The following AP4E1 variants were observed in gnomAD, a reference collection of about 807,000 sequenced individuals.
AP4E1 encodes the protein AP-4 complex subunit epsilon-1.
In AP4E1, 56 loss-of-function variants were observed where a neutral mutation model predicts 128.2. The observed-to-expected ratio is 0.44, with a 90% confidence interval of 0.35 to 0.55. The LOEUF is 0.55. AP4E1 is among the 20% of genes least tolerant of loss of function. The pLI is 0.00. For missense variants in AP4E1, 1,324 were observed against 1,307.7 expected (o/e 1.01, Z -0.19); for synonymous variants, 484 against 473.1 (o/e 1.02, Z -0.30).
chr15:50,965,941 G>A (rs900059156), intron 14 of AP4E1, among the ~76,000 whole-genome samples: 2 of 150,846 alleles, frequency 1.3e-5, no homozygotes, highest in Admixed American at 6.6e-5. Flanking sequence ...TTTTTGAGAC[G>A]GAGTCTCGCT....
At position 50,940,659 on chromosome 15, in the gene AP4E1, T is replaced by C. The variant is rs1269465171; in HGVS notation, c.944-783T>C. On this transcript the variant is annotated intron_variant, in intron 8 of 20. Transcript: ENST00000261842. ...ATGATTCCATAGAACACATAAGACT[T>C]AATGTCCTTTCAGTGATTTTTCTTT... Among the ~76,000 whole-genome samples, 3 of 152,182 alleles carry C rather than the reference T, an allele frequency of 2.0e-5. No homozygotes were observed. The East Asian group carries it at 5.8e-4, about 29-fold the overall frequency.
Position 50,996,518 on chromosome 15 carries a change from G to C in AP4E1, c.2347-808G>C, listed in dbSNP as rs566906675. On this transcript the variant is annotated intron_variant, in intron 17 of 20. Transcript: ENST00000261842. ...GTGTTGGGGCTTGAGGAGAGTGACA[G>C]AGAAGATAAGAAAAGGGAACTAGAA... 2.3e-4 allele frequency among the ~76,000 whole-genome samples: 35 copies of C among 152,250 alleles called. 1 individual carries two copies. The highest frequency in any genetic ancestry group is 8.2e-4 in the African/African-American group (34 of 41,556).
At chr15:50,966,227 T>G (rs1368322428) in intron 14 of AP4E1, among the ~76,000 whole-genome samples, 2 of 152,142 alleles carry the variant, frequency 1.3e-5, no homozygotes, top group Non-Finnish European at 2.9e-5. Flanking sequence ...TCTAGAAAAC[T>G]TTCAAAGGTA....
At chr15:50,989,373 G>T (rs1175185002) in intron 16 of AP4E1, among the ~76,000 whole-genome samples, 1 of 151,940 alleles carries the variant, frequency 6.6e-6, no homozygotes, top group Non-Finnish European at 1.5e-5. Flanking sequence ...ACATTTGTCT[G>T]TTGTTCAATG....
chr15:50,911,234 T>C (rs988012004), intron 1 of AP4E1, among the ~76,000 whole-genome samples: 1 of 152,022 alleles, frequency 6.6e-6, no homozygotes, highest in African/African-American at 2.4e-5. Flanking sequence ...TAACATACAA[T>C]GCAGACAGTA....
At chr15:50,953,666 G>A (rs556064007) in intron 13 of AP4E1, among the ~76,000 whole-genome samples, 2 of 152,302 alleles carry the variant, frequency 1.3e-5, no homozygotes, top group Admixed American at 1.3e-4. Flanking sequence ...TGGCCCCACA[G>A]CACAAGAGTT....
chr15:50,932,659 G>A (rs1206282287), intron 7 of AP4E1, among the ~76,000 whole-genome samples: 4 of 152,112 alleles, frequency 2.6e-5, no homozygotes, highest in African/African-American at 9.7e-5. Context: ...CTTTACAAAG[G>A]GACCATTCTC....
chr15:50,974,308 C>T (rs1269731751), intron 15 of AP4E1, among the ~76,000 whole-genome samples: 1 of 149,088 alleles, frequency 6.7e-6, no homozygotes, highest in Non-Finnish European at 1.5e-5. Flanking sequence ...ATTCTGTCAC[C>T]TAGGCTGGAG....
intron 13 of AP4E1, among the ~76,000 whole-genome samples, chr15:50,958,052 G>A (rs916716175): frequency 2.6e-5 from 4 of 152,010 alleles, no homozygotes; most frequent in South Asian, 2.1e-4. Flanking sequence ...TATTCTCGGG[G>A]ACCACAGACA....
At chr15:50,976,287 T>C (rs1192887420) in intron 15 of AP4E1, among the ~76,000 whole-genome samples, 1 of 152,076 alleles carries the variant, frequency 6.6e-6, no homozygotes, top group Non-Finnish European at 1.5e-5. Context: ...ACCACACAGT[T>C]CTCAATAAAA....
intron 16 of AP4E1, among the ~76,000 whole-genome samples, chr15:50,988,299 TTTA>T (rs2064756736): frequency 6.6e-6 from 1 of 152,146 alleles, no homozygotes; most frequent in Admixed American, 6.6e-5. Flanking sequence ...CCCATTATTG[TTTA>T]TTATTTTATT....
At chr15:50,920,158 G>GGC (rs2063681360) in intron 3 of AP4E1, among the ~76,000 whole-genome samples, 1 of 120,760 alleles carries the variant, frequency 8.3e-6, no homozygotes, top group Admixed American at 1.0e-4. Flanking sequence ...CTTTCGCCCA[G>GGC]GCCAGAGTGC....
intron 6 of AP4E1, 120 bp downstream of exon 6, chr15:50,929,288 G>A: frequency 8.8e-7 from 1 of 1,139,382 alleles, no homozygotes; most frequent in Non-Finnish European, 1.3e-6. Flanking sequence ...TTTTATTATT[G>A]ACCTTTGAAT....
chr15:50,968,288 A>T lies in AP4E1; in HGVS notation c.1877A>T (p.Asp626Val). 1 of 1,613,274 alleles carries T rather than the reference A, an allele frequency of 6.2e-7. No individual in the cohort carries two copies. The highest frequency in any genetic ancestry group is 1.1e-5 in the South Asian group (1 of 90,998). Residue 626 changes from aspartate to valine, a missense_variant, in exon 15 of 21, where the codon GAT (aspartate) becomes GTT (valine). Asp to Val is a radical substitution (Grantham distance 152). Transcript: ENST00000261842. ...GTAGATGCTTCTTTATCTTTTCTGGATGGTTTTGTGGCTGAAGGACTCAGT... is the reference window on the plus strand; with the variant it reads ...GTAGATGCTTCTTTATCTTTTCTGGTTGGTTTTGTGGCTGAAGGACTCAGT... ...LVVDASLSFL[D>V]GFVAEGLSQG...
At position 51,005,663 on chromosome 15, in the gene AP4E1, ATC is replaced by A. The variant is rs1392615608; in HGVS notation, c.*3003_*3004del. On this transcript the variant is annotated 3_prime_UTR_variant, in exon 21 of 21. Coordinates refer to ENST00000261842, the MANE Select transcript of AP4E1 (RefSeq NM_007347.5). ...ATGTCAGCAATATTTTAAAATATTG[ATC>A]TGTTTATCTTATATTTTTATGGATA... 1 of 152,510 alleles carries A rather than the reference ATC, an allele frequency of 6.6e-6. No individual in the cohort carries two copies. Among genetic ancestry groups the A allele is most frequent in the African/African-American group, 2.4e-5 (1 of 41,400 alleles). The allele number at this position is 152,510 out of a possible 1,614,324, so 9.4% of individuals were successfully genotyped here. A position where few individuals can be genotyped will look rare whatever the true frequency, so the allele number is the denominator to read the frequency against.
Position 50,908,771 on chromosome 15 carries a change from C to T in AP4E1, c.-8C>T. On this transcript the variant is annotated 5_prime_UTR_variant, in exon 1 of 21. Coordinates refer to ENST00000261842, the MANE Select transcript of AP4E1 (RefSeq NM_007347.5). The stretch of plus-strand genomic sequence containing the variant: ...CGGGCGGCGGCGGCATCGCGGGCGG[C>T]GGCGGCGATGAGCGACATAGTGGAG... 25 of 1,531,368 alleles carry T rather than the reference C, an allele frequency of 1.6e-5. No homozygotes were observed. Among genetic ancestry groups the T allele is most frequent in the Non-Finnish European group, 2.2e-5 (25 of 1,143,662 alleles). The allele number at this position is 1,531,368 out of a possible 1,614,324, so 94.9% of individuals were successfully genotyped here.
chr15:50,955,525 G>A (rs1272518556), intron 13 of AP4E1, among the ~76,000 whole-genome samples: 1 of 152,100 alleles, frequency 6.6e-6, no homozygotes, highest in Non-Finnish European at 1.5e-5. Flanking sequence ...CTGATTCTTG[G>A]TCTAGTCCTA....
intron 4 of AP4E1, 101 bp from the exon 5 acceptor site, chr15:50,924,997 G>A (rs1245251147): frequency 7.4e-7 from 1 of 1,357,574 alleles, no homozygotes; most frequent in Non-Finnish European, 1.0e-6. Context: ...ATTATAAATA[G>A]CACAAAATTA....
chr15:50,960,968 A>G (rs984938783), intron 14 of AP4E1, among the ~76,000 whole-genome samples: 3 of 152,112 alleles, frequency 2.0e-5, no homozygotes, highest in African/African-American at 7.2e-5. Context: ...ATAGAAATAT[A>G]AATGATTATT....
Sources: allele counts gnomAD v4.1 joint callset (sites outside exome capture counted in the v4.1 genomes callset), GRCh38; gene constraint gnomAD v4.1.1; transcripts MANE v1.5; gene names NCBI Gene and HGNC (gene_info 2026-07-23, HGNC 2026-07-21).